The following DSTYK variants were observed in gnomAD, a reference collection of about 807,000 sequenced individuals.
DSTYK encodes dual serine/threonine and tyrosine protein kinase, also known as RIP-homologous kinase.
Under a neutral mutation model 98.7 loss-of-function variants are expected in DSTYK, and 34 were observed. The observed-to-expected ratio is 0.34, with a 90% CI of 0.26 to 0.46. The LOEUF is 0.46. Among genes scored for constraint, DSTYK ranks in the 20% least tolerant of loss-of-function variants. The pLI, the probability that DSTYK is intolerant of heterozygous loss-of-function variation, is 1.00. For missense variants in DSTYK, 962 were observed against 1,181.7 expected (o/e 0.81, Z 2.73); for synonymous variants, 462 against 457.3 (o/e 1.01, Z -0.13).
rs1226418773 is a variant in DSTYK at position 205,198,203 on chromosome 1, AG to A, written c.266-10398del. ...AGTGAAACTCCGTCTCAAAAAAAAA[AG>A]AAAGAAAGAAAGAAAGAAACCAACA... is the stretch of plus-strand genomic sequence containing the variant. On this transcript the variant is annotated intron_variant, in intron 1 of 12. Transcript: ENST00000367162. Among the ~76,000 whole-genome samples the A allele has an allele frequency of 8.3e-3, 1,262 of 151,202 alleles. 22 individuals carry two copies. The highest frequency in any genetic ancestry group is 0.029 in the African/African-American group (1,209 of 41,454).
chr1:205,205,882 TA>T (rs1049814397), intron 1 of DSTYK, among the ~76,000 whole-genome samples: 22 of 152,128 alleles, frequency 1.4e-4, no homozygotes, highest in African/African-American at 4.8e-4. Context: ...CAAAGAGCTA[TA>T]AAAAAAACCT....
intron 10 of DSTYK, among the ~76,000 whole-genome samples, chr1:205,151,320 A>G (rs1191508486): frequency 6.6e-6 from 1 of 152,220 alleles, no homozygotes; most frequent in African/African-American, 2.4e-5. Flanking sequence ...TATTTTTAAA[A>G]GCTTTTCTTC....
intron 1 of DSTYK, among the ~76,000 whole-genome samples, chr1:205,203,735 G>A (rs1479302584): frequency 6.6e-6 from 1 of 152,000 alleles, no homozygotes; most frequent in African/African-American, 2.4e-5. Flanking sequence ...GACCAATATG[G>A]TGAAACCTTG....
chr1:205,169,823 C>T lies in DSTYK; in HGVS notation c.664G>A (p.Val222Ile), dbSNP rs760053061. 9 of 1,609,526 alleles carry T rather than the reference C, an allele frequency of 5.6e-6. No individual in the cohort carries two copies. The highest frequency in any genetic ancestry group is 6.8e-6 in the Non-Finnish European group (8 of 1,177,562). Residue 222 changes from valine to isoleucine, a missense_variant, in exon 3 of 13, where the codon GTT (valine) becomes ATT (isoleucine). Val to Ile is a conservative substitution (Grantham distance 29, BLOSUM62 3). Coordinates refer to ENST00000367162, the MANE Select transcript of DSTYK (RefSeq NM_015375.3). This position sits in a 1 kb window ranked among gnomAD's most constrained non-coding sequence, Gnocchi z 4.0. ...MHHALLQEVDVVVAPCQGLRP... is the reference protein window; with the variant it reads ...MHHALLQEVDIVVAPCQGLRP... ...AGGCCTTGGCATGGTGCTACCACAA[C>T]GTCCACTTCCTGGAAGGGGAAGGGG... is the stretch of plus-strand genomic sequence containing the variant.
At position 205,187,379 on chromosome 1, in the gene DSTYK, T is replaced by C. The variant is rs1457166779; in HGVS notation, c.654+39A>G. 3.9e-6 allele frequency: 6 copies of C among 1,546,570 alleles called. No homozygotes were observed. In the South Asian group the frequency reaches 5.0e-5, roughly 13 times the overall value. On this transcript the variant is annotated intron_variant, in intron 2 of 12. Transcript: ENST00000367162. ...AGTCAAAATAAAAGGAAAGCTGGTA[T>C]ATATGTATACAATTGGTATAGAAGT...
chr1:205,210,282 G>A (rs1426683245), intron 1 of DSTYK, among the ~76,000 whole-genome samples: 2 of 152,102 alleles, frequency 1.3e-5, no homozygotes, highest in East Asian at 1.9e-4. Context: ...ATGAGCTAGA[G>A]CACGAGACAT....
Position 205,211,361 on chromosome 1 carries a change from G to A in DSTYK, c.175C>T (p.His59Tyr), listed in dbSNP as rs1394870957. 1 of 1,612,468 alleles carries A rather than the reference G, an allele frequency of 6.2e-7. No individual in the cohort carries two copies. The highest frequency in any genetic ancestry group is 8.5e-7 in the Non-Finnish European group (1 of 1,179,440). ...QKFFRDIKCS[H>Y]NHTCLSSLTG... The stretch of plus-strand genomic sequence containing the variant: ...AGGGAGGAGAGACAAGTGTGGTTGT[G>A]GGAGCACTTGATGTCGCGGAAGAAC... Residue 59 changes from histidine to tyrosine, a missense_variant, in exon 1 of 13, where the codon CAC becomes TAC. Physicochemically the swap from His to Tyr is moderately conservative, Grantham distance 83. Transcript: ENST00000367162.
At chr1:205,149,986 A>C (rs769727504) in intron 11 of DSTYK, among the ~76,000 whole-genome samples, 34 of 152,178 alleles carry the variant, frequency 2.2e-4, no homozygotes, top group Admixed American at 2.2e-3. Flanking sequence ...ATTACCTTTT[A>C]GCTCAATGGT....
At chr1:205,186,790 G>A (rs543782191) in intron 2 of DSTYK, among the ~76,000 whole-genome samples, 1 of 152,222 alleles carries the variant, frequency 6.6e-6, no homozygotes, top group African/African-American at 2.4e-5. Context: ...GCACAGATCT[G>A]TGCTCTCTTT....
intron 1 of DSTYK, among the ~76,000 whole-genome samples, chr1:205,199,163 G>T (rs749985761): frequency 6.6e-6 from 1 of 152,090 alleles, no homozygotes; most frequent in South Asian, 2.1e-4. Context: ...CCATCATCCT[G>T]CCCAGAGCAC....
chr1:205,172,686 T>C (rs1276451664), intron 2 of DSTYK, among the ~76,000 whole-genome samples: 1 of 152,196 alleles, frequency 6.6e-6, no homozygotes, highest in Non-Finnish European at 1.5e-5. Context: ...CAAAGAACTA[T>C]GCTATATTCT....
chr1:205,177,946 G>A (rs117959412), intron 2 of DSTYK, among the ~76,000 whole-genome samples: 1 of 152,004 alleles, frequency 6.6e-6, no homozygotes, highest in Non-Finnish European at 1.5e-5. Context: ...AACCAAACAG[G>A]CTATAACATG....
intron 2 of DSTYK, among the ~76,000 whole-genome samples, chr1:205,177,535 A>C (rs1658267345): frequency 6.6e-6 from 1 of 152,232 alleles, no homozygotes; most frequent in South Asian, 2.1e-4. Flanking sequence ...ATTACATATT[A>C]AGTAAAATAC....
At chr1:205,196,863 A>T (rs1274594458) in intron 1 of DSTYK, among the ~76,000 whole-genome samples, 1 of 149,946 alleles carries the variant, frequency 6.7e-6, no homozygotes, top group African/African-American at 2.5e-5. Context: ...GGTTCGAGCA[A>T]TTCTCCTGCC....
chr1:205,203,653 T>C (rs1262556132), intron 1 of DSTYK, among the ~76,000 whole-genome samples: 3 of 150,780 alleles, frequency 2.0e-5, no homozygotes, highest in Non-Finnish European at 3.0e-5. Context: ...AGGTGGCTCA[T>C]GCCTGTAATC....
chr1:205,180,252 C>T (rs1011627048), intron 2 of DSTYK, among the ~76,000 whole-genome samples: 1 of 152,120 alleles, frequency 6.6e-6, no homozygotes, highest in African/African-American at 2.4e-5. Context: ...TCCTAATACT[C>T]TCCCTCCCCT....
chr1:205,198,418 A>T (rs912533435), intron 1 of DSTYK, among the ~76,000 whole-genome samples: 3 of 152,250 alleles, frequency 2.0e-5, no homozygotes, highest in African/African-American at 7.2e-5. Context: ...TCAGTTGTTC[A>T]ATCAGGAGAA....
At chr1:205,209,240 G>C (rs1442849468) in intron 1 of DSTYK, among the ~76,000 whole-genome samples, 4 of 152,194 alleles carry the variant, frequency 2.6e-5, no homozygotes, top group Admixed American at 6.5e-5. Context: ...ATAAATAGTT[G>C]TTTTAAAATA....
At position 205,169,701 on chromosome 1, in the gene DSTYK, C is replaced by T. The variant is rs1045117515; in HGVS notation, c.786G>A (p.Glu262=). The T allele has an allele frequency of 6.8e-6, 11 of 1,614,108 alleles. No individual in the cohort carries two copies. In the African/African-American group the frequency reaches 1.5e-4, roughly 22 times the overall value. The part of the protein sequence containing the change: ...LHKDELSERD[E]QELQEIRKYF... ...ACTTTCGGATTTCCTGAAGCTCTTG[C>T]TCATCCCTCTCAGAGAGTTCATCTT... is the stretch of plus-strand genomic sequence containing the variant. The change falls in exon 3 of 13, where the codon GAG becomes GAA. Residue 262 remains glutamate (E), a synonymous_variant. Transcript: ENST00000367162. The surrounding 1 kb of genome is among the most constrained non-coding windows in gnomAD (Gnocchi z 4.0).
Sources: gnomAD v4.1 joint callset for allele counts (sites outside exome capture counted in the v4.1 genomes callset) on GRCh38, gnomAD v4.1.1 for gene constraint, Gnocchi (gnomAD v3.1) non-coding constraint, MANE v1.5 for transcripts, NCBI Gene and HGNC (gene_info 2026-07-23, HGNC 2026-07-21) for gene names.